Variants in SH2D4B observed in about 807,000 individuals in gnomAD.
SH2D4B encodes SH2 domain-containing protein 4B.
In SH2D4B, 45 loss-of-function variants were observed where a neutral mutation model predicts 61.5. The observed-to-expected ratio is 0.73, with a 90% CI of 0.58 to 0.94. The LOEUF (loss-of-function observed/expected upper bound fraction) is 0.94. SH2D4B is among the 40% of genes least tolerant of loss of function. The pLI is 0.00. For synonymous variants in SH2D4B, 224 were observed against 220.4 expected (o/e 1.02, Z -0.14); for missense variants, 572 against 574.2 (o/e 1.00, Z 0.04).
chr10:80,550,522 A>C (rs1351852274), intron 1 of SH2D4B, among the ~76,000 whole-genome samples: 1 of 152,098 alleles, frequency 6.6e-6, no homozygotes, highest in Non-Finnish European at 1.5e-5. Context: ...TGAACCCAGG[A>C]GGTGGAGCTT....
intron 1 of SH2D4B, among the ~76,000 whole-genome samples, chr10:80,548,802 C>A (rs569758208): frequency 1.2e-4 from 18 of 152,328 alleles, no homozygotes; most frequent in Admixed American, 1.2e-3. Flanking sequence ...CCAGCCACAT[C>A]ACTGTCTAGC....
At chr10:80,589,726 G>A (rs1372851522) in intron 4 of SH2D4B, among the ~76,000 whole-genome samples, 1 of 152,194 alleles carries the variant, frequency 6.6e-6, no homozygotes, top group Non-Finnish European at 1.5e-5. Flanking sequence ...TGGGTCTGCA[G>A]AAGAGGTGTC....
At chr10:80,622,952 G>T (rs1413172489) in intron 6 of SH2D4B, among the ~76,000 whole-genome samples, 1 of 152,178 alleles carries the variant, frequency 6.6e-6, no homozygotes, top group Non-Finnish European at 1.5e-5. Context: ...GTCTCACTCT[G>T]TCACCCAGGT....
chr10:80,620,746 C>G (rs1256260783), intron 6 of SH2D4B, among the ~76,000 whole-genome samples: 1 of 152,202 alleles, frequency 6.6e-6, no homozygotes, highest in African/African-American at 2.4e-5. Context: ...GTATCTACCT[C>G]AAAGAATTGC....
intron 3 of SH2D4B, among the ~76,000 whole-genome samples, chr10:80,584,100 A>G (rs1398899653): frequency 1.3e-5 from 2 of 152,252 alleles, no homozygotes; most frequent in African/African-American, 2.4e-5. Context: ...CTAAATTGGC[A>G]GTTACATGTA....
chr10:80,592,715 C>CTTTTTTTTTTTTTT (rs60807866), intron 4 of SH2D4B, among the ~76,000 whole-genome samples: 1 of 134,562 alleles, frequency 7.4e-6, no homozygotes, highest in Non-Finnish European at 1.6e-5. Flanking sequence ...CTCTCTGTCT[C>CTTTTTTTTTTTTTT]TTTTTTTTTT....
intron 5 of SH2D4B, among the ~76,000 whole-genome samples, chr10:80,605,875 G>A (rs1056557854): frequency 6.6e-6 from 1 of 152,192 alleles, no homozygotes; most frequent in African/African-American, 2.4e-5. Flanking sequence ...CCTCATCTAT[G>A]CTTTTTAAAA....
chr10:80,556,792 T>A (rs1004832786), intron 1 of SH2D4B, among the ~76,000 whole-genome samples: 7 of 152,230 alleles, frequency 4.6e-5, no homozygotes, highest in Non-Finnish European at 8.8e-5. Context: ...TTGAATATCT[T>A]TTTTTGGTAG....
intron 6 of SH2D4B, among the ~76,000 whole-genome samples, chr10:80,623,157 C>T (rs1027318466): frequency 2.8e-4 from 42 of 152,376 alleles, no homozygotes; most frequent in African/African-American, 9.1e-4. Context: ...TCCGGCAATC[C>T]GCCTGCCTCG....
In SH2D4B at chr10:80,603,687, G is replaced by A; in HGVS notation, c.752G>A (p.Gly251Asp). 6.2e-7 allele frequency: 1 copy of A among 1,612,750 alleles called. No individual in the cohort carries two copies. The highest frequency in any genetic ancestry group is 2.2e-5 in the East Asian group (1 of 44,810). The part of the protein sequence containing the change: ...LRAIQKGTVA[G>D]LSSMFRELGQ... ...GCTATCCAGAAGGGCACGGTCGCTG[G>A]CCTCAGCTCCATGTTCCGGGAGCTT... The change falls in exon 5 of 8, where the codon GGC (glycine) becomes GAC (aspartate). Residue 251 changes from glycine to aspartate, a missense_variant. Gly to Asp is a moderately conservative substitution (Grantham distance 94). Transcript: ENST00000646907.
chr10:80,588,560 A>C, intron 3 of SH2D4B, 70 bp from the exon 4 acceptor site: 1 of 1,581,506 alleles, frequency 6.3e-7, no homozygotes, highest in Admixed American at 1.7e-5. Flanking sequence ...AGAATCCCAG[A>C]GATATTTCTT....
At chr10:80,604,715 A>G (rs180832958) in intron 5 of SH2D4B, among the ~76,000 whole-genome samples, 1 of 151,568 alleles carries the variant, frequency 6.6e-6, no homozygotes, top group Admixed American at 6.6e-5. Context: ...AAAAAGGTAT[A>G]CTGAGAAATG....
chr10:80,580,342 T>C (rs964469578), intron 3 of SH2D4B, among the ~76,000 whole-genome samples: 9 of 152,136 alleles, frequency 5.9e-5, no homozygotes, highest in African/African-American at 2.2e-4. Context: ...TTAGACCCTA[T>C]ACATCAAAAG....
intron 1 of SH2D4B, among the ~76,000 whole-genome samples, chr10:80,562,062 C>CACACATAT (rs35404674): frequency 6.9e-6 from 1 of 144,498 alleles, no homozygotes; most frequent in Non-Finnish European, 1.5e-5. Flanking sequence ...CACACACACA[C>CACACATAT]ATATATAAAA....
intron 6 of SH2D4B, among the ~76,000 whole-genome samples, chr10:80,632,933 T>G (rs1842849029): frequency 6.6e-6 from 1 of 151,716 alleles, no homozygotes; most frequent in Admixed American, 6.6e-5. Context: ...GAGGGGTGGC[T>G]GGCTTGGATG....
At chr10:80,573,951 A>C (rs1474426908) in intron 3 of SH2D4B, among the ~76,000 whole-genome samples, 1 of 152,214 alleles carries the variant, frequency 6.6e-6, no homozygotes, top group East Asian at 1.9e-4. Context: ...TGAATCATTG[A>C]ATCTTCTTGT....
chr10:80,542,718 CA>C (rs1355150493), intron 1 of SH2D4B, among the ~76,000 whole-genome samples: 2 of 152,024 alleles, frequency 1.3e-5, no homozygotes, highest in Non-Finnish European at 2.9e-5. Context: ...TCTTGATTGA[CA>C]GTTTCTGCTA....
At chr10:80,550,332 A>G (rs1189738478) in intron 1 of SH2D4B, among the ~76,000 whole-genome samples, 2 of 152,142 alleles carry the variant, frequency 1.3e-5, no homozygotes, top group African/African-American at 4.8e-5. Flanking sequence ...AGTGGCTCAC[A>G]CCTGTAATCC....
rs1841527016 is a variant in SH2D4B at position 80,538,012 on chromosome 10, CA to C, written c.-318del. 5.9e-6 allele frequency: 1 copy of C among 169,894 alleles called. No individual in the cohort carries two copies. The highest frequency in any genetic ancestry group is 1.2e-5 in the Non-Finnish European group (1 of 80,026). 10.5% of individuals were successfully genotyped at this position (169,894 alleles called of 1,614,324 possible). A position where few individuals can be genotyped will look rare whatever the true frequency, so the allele number is the denominator to read the frequency against. ...ATTGTCTCAGAACCCCAGGTGATGC[CA>C]AGACATGGGCTCTCCTGGGATGCCG... On this transcript the variant is annotated 5_prime_UTR_variant, in exon 1 of 8. The change creates a premature stop within an existing upstream ORF in the 5' untranslated region. Transcript: ENST00000646907. This position sits in a 1 kb window ranked among gnomAD's most constrained non-coding sequence, Gnocchi z 4.8.
Sources: allele counts gnomAD v4.1 joint callset (sites outside exome capture counted in the v4.1 genomes callset), GRCh38; gene constraint gnomAD v4.1.1; non-coding constraint Gnocchi (gnomAD v3.1); transcripts MANE v1.5; gene names NCBI Gene and HGNC (gene_info 2026-07-23, HGNC 2026-07-21).